ZBTB24: variants seen among roughly 807,000 people sequenced by gnomAD.
The protein encoded by ZBTB24 is zinc finger and BTB domain-containing protein 24.
A neutral mutation model predicts 53.8 loss-of-function variants in ZBTB24; 32 were observed. The ratio of observed to expected loss-of-function variants is 0.60; its 90% CI spans 0.45 to 0.80. ZBTB24 has a LOEUF of 0.80. Among genes scored for constraint, ZBTB24 ranks in the 30% least tolerant of loss-of-function variants. The pLI, the probability that ZBTB24 is intolerant of heterozygous loss-of-function variation, is 0.00. For synonymous variants in ZBTB24, 297 were observed against 306.7 expected, an observed-to-expected ratio of 0.97 and a Z score of 0.33; for missense variants, 722 against 837.1, an observed-to-expected ratio of 0.86 and a Z score of 1.70.
chr6:109,467,827 G>A (rs780334150), intron 5 of ZBTB24, 93 bp from the exon 6 acceptor site: 26 of 1,404,354 alleles, frequency 1.9e-5, no homozygotes, highest in Middle Eastern at 2.0e-4. Flanking sequence ...AAAACACTTC[G>A]GTTTCACAAT....
intron 2 of ZBTB24, among the ~76,000 whole-genome samples, chr6:109,479,028 C>T (rs1414421973): frequency 6.6e-6 from 1 of 151,820 alleles, no homozygotes; most frequent in Non-Finnish European, 1.5e-5. Flanking sequence ...AGTGGAAATC[C>T]CCCAGAGGGT....
intron 5 of ZBTB24, among the ~76,000 whole-genome samples, chr6:109,475,043 TAAA>T (rs5879027): frequency 8.6e-6 from 1 of 116,426 alleles, no homozygotes. Flanking sequence ...CCCTTATCTT[TAAA>T]AAAAAAAAAA....
intron 1 of ZBTB24, 65 bp downstream of exon 1, chr6:109,483,033 G>A (rs1448032101): frequency 6.6e-6 from 1 of 152,180 alleles, no homozygotes; most frequent in Admixed American, 6.5e-5. Flanking sequence ...CGGCGGGGGA[G>A]GGGTCGGCGC....
rs561707566 is a variant in ZBTB24 at position 109,474,543 on chromosome 6, C to T, written c.1288+856G>A. On this transcript the variant is annotated intron_variant, in intron 5 of 6. Coordinates refer to ENST00000230122, the MANE Select transcript of ZBTB24 (RefSeq NM_014797.3). ...GTCAAGAGATCGAGACCATCCTGGC[C>T]AACATGGTAAAACCCCATCTCTACT... Among the ~76,000 whole-genome samples the T allele has an allele frequency of 3.9e-5, 6 of 152,156 alleles. No homozygotes were observed. The East Asian group carries it at 7.7e-4, about 20-fold the overall frequency.
At chr6:109,466,622 C>T in intron 6 of ZBTB24, 48 bp from the exon 7 acceptor site, 1 of 1,596,852 alleles carries the variant, frequency 6.3e-7, no homozygotes, top group Non-Finnish European at 8.5e-7. Flanking sequence ...TACCTACTTA[C>T]TACTTCCTGA....
chr6:109,476,008 G>A (rs1257189164), intron 4 of ZBTB24, among the ~76,000 whole-genome samples, 167 bp downstream of exon 4: 5 of 152,112 alleles, frequency 3.3e-5, no homozygotes, highest in South Asian at 2.1e-4. Context: ...ACATGGTGGC[G>A]GACAATAACA....
chr6:109,476,281 A>G (rs1408568853), intron 3 of ZBTB24, 23 bp from the exon 4 acceptor site: 2 of 1,612,762 alleles, frequency 1.2e-6, no homozygotes, highest in Non-Finnish European at 1.7e-6. Context: ...CCAAAACACT[A>G]AAACATGTAA....
rs754381673 is a variant in ZBTB24, at chr6:109,466,453, G to T, written c.1492C>A (p.Gln498Lys). The stretch of plus-strand genomic sequence containing the variant: ...TTCAAGTTGTCTAAGCGAGCAAACT[G>T]TAAGTTACACTCAGGGCAGGAGAAA... ...KPFSCPECNL[Q>K]FARLDNLKAH... Residue 498 changes from glutamine to lysine, a missense_variant, in exon 7 of 7, where the codon CAG becomes AAG. Physicochemically the swap from Gln to Lys is moderately conservative, Grantham distance 53. Coordinates refer to ENST00000230122, the MANE Select transcript of ZBTB24 (RefSeq NM_014797.3). 1.9e-6 allele frequency: 3 copies of T among 1,614,222 alleles called. No homozygotes were observed. Among genetic ancestry groups the T allele is most frequent in the Non-Finnish European group, 2.5e-6 (3 of 1,180,048 alleles).
intron 5 of ZBTB24, among the ~76,000 whole-genome samples, chr6:109,471,352 G>A (rs1381731960): frequency 6.6e-6 from 1 of 152,180 alleles, no homozygotes; most frequent in Non-Finnish European, 1.5e-5. Context: ...GGCATGTTAT[G>A]GTGAGGGGCC....
intron 1 of ZBTB24, 67 bp downstream of exon 1, chr6:109,483,031 G>A (rs1156635898): frequency 6.6e-6 from 1 of 152,154 alleles, no homozygotes; most frequent in Non-Finnish European, 1.5e-5. Flanking sequence ...CACGGCGGGG[G>A]AGGGGTCGGC....
intron 4 of ZBTB24, 132 bp from the exon 5 acceptor site, chr6:109,475,614 A>C: frequency 9.6e-7 from 1 of 1,044,880 alleles, no homozygotes; most frequent in Non-Finnish European, 1.4e-6. Context: ...AAATTTTTTC[A>C]TTAATTTGGT....
chr6:109,465,744 A>G lies in ZBTB24; in HGVS notation c.*107T>C, dbSNP rs1184887915. 4.3e-6 allele frequency: 7 copies of G among 1,611,790 alleles called. No homozygotes were observed. The African/African-American group carries it at 8.0e-5, about 18-fold the overall frequency. Reference sequence around the variant, plus strand: ...AGTTAGCCATCACAGCTCTCACAGAAGCATCTGCAAGTCAATGGTGTGGAG... The same window carrying G: ...AGTTAGCCATCACAGCTCTCACAGAGGCATCTGCAAGTCAATGGTGTGGAG... On this transcript the variant is annotated 3_prime_UTR_variant, in exon 7 of 7. Transcript: ENST00000230122.
intron 6 of ZBTB24, 180 bp downstream of exon 6, chr6:109,467,472 TG>T: frequency 1.0e-6 from 1 of 964,486 alleles, no homozygotes; most frequent in African/African-American, 1.8e-5. Context: ...CACTCCAGCC[TG>T]GGCGACAGTG....
At chr6:109,475,287 T>C in intron 5 of ZBTB24, 112 bp downstream of exon 5, 1 of 1,303,444 alleles carries the variant, frequency 7.7e-7, no homozygotes, top group Non-Finnish European at 1.1e-6. Flanking sequence ...TCCCATCCAA[T>C]TTATAATAAA....
At position 109,466,926 on chromosome 6, in the gene ZBTB24, T is replaced by C. The variant is rs182237026; in HGVS notation, c.1371-352A>G. Among the ~76,000 whole-genome samples, 199 of 152,308 alleles carry C rather than the reference T, an allele frequency of 1.3e-3. 1 individual carries two copies. Among genetic ancestry groups the C allele is most frequent in the African/African-American group, 4.7e-3 (195 of 41,570 alleles). ...TTTGTCTTAGTTTTCAGAGCCAATT[T>C]TTAGACTCTAATGGCCCAATAAGTA... On this transcript the variant is annotated intron_variant, in intron 6 of 6. Transcript: ENST00000230122.
chr6:109,477,069 G>T, intron 2 of ZBTB24, 139 bp from the exon 3 acceptor site: 1 of 1,248,738 alleles, frequency 8.0e-7, no homozygotes, highest in Non-Finnish European at 1.1e-6. Context: ...AGAGACATCA[G>T]CAATAAAATT....
chr6:109,467,297 C>CGGAT (rs1247764579), intron 6 of ZBTB24, among the ~76,000 whole-genome samples: 12 of 152,016 alleles, frequency 7.9e-5, no homozygotes, highest in Non-Finnish European at 1.8e-4. Context: ...CCCAGGCAGG[C>CGGAT]GGATCACTTG....
chr6:109,464,429 C>G lies in ZBTB24; in HGVS notation c.*1422G>C, dbSNP rs1775983601. 1 of 152,106 alleles carries G rather than the reference C, an allele frequency of 6.6e-6. No individual in the cohort carries two copies. The highest frequency in any genetic ancestry group is 1.5e-5 in the Non-Finnish European group (1 of 68,022). The allele number at this position is 152,106 out of a possible 1,614,324, so 9.4% of individuals were successfully genotyped here. A position where few individuals can be genotyped will look rare whatever the true frequency, so the allele number is the denominator to read the frequency against. ...CTATTAATTTTAGAGTAGATTACCC[C>G]CTACTCCCCATCAGCATTGTTAATT... On this transcript the variant is annotated 3_prime_UTR_variant, in exon 7 of 7. Coordinates refer to ENST00000230122, the MANE Select transcript of ZBTB24 (RefSeq NM_014797.3).
intron 5 of ZBTB24, among the ~76,000 whole-genome samples, chr6:109,469,938 G>A (rs1414309297): frequency 6.6e-6 from 1 of 152,210 alleles, no homozygotes; most frequent in Non-Finnish European, 1.5e-5. Flanking sequence ...GGCAACAGGA[G>A]CTATGAAATC....
Sources: allele counts gnomAD v4.1 joint callset (sites outside exome capture counted in the v4.1 genomes callset), GRCh38; gene constraint gnomAD v4.1.1; transcripts MANE v1.5; gene names NCBI Gene and HGNC (gene_info 2026-07-23, HGNC 2026-07-21).